Variants in NPHP1 observed in about 807,000 individuals in gnomAD.
NPHP1 encodes nephrocystin 1, also known as nephrocystin-1.
A neutral mutation model predicts 90.4 loss-of-function variants in NPHP1; 70 were observed. That is an observed-to-expected ratio of 0.77 (90% CI 0.64 to 0.95). The LOEUF (loss-of-function observed/expected upper bound fraction) is 0.95, where lower values mean the gene tolerates loss of function less well. Ranked by LOEUF, NPHP1 falls within the 40% of genes least tolerant of loss-of-function variation. The pLI is 0.00. For missense variants in NPHP1, 764 were observed against 795.9 expected (o/e 0.96, Z 0.48); for synonymous variants, 256 against 271.7 (o/e 0.94, Z 0.57).
At chr2:110,187,580 C>A (rs1019361366) in intron 2 of NPHP1, among the ~76,000 whole-genome samples, 2 of 152,134 alleles carry the variant, frequency 1.3e-5, no homozygotes, top group African/African-American at 4.8e-5. Context: ...CAGCTGAATT[C>A]TACCAAAGGT....
intron 11 of NPHP1, among the ~76,000 whole-genome samples, chr2:110,158,431 T>C (rs1488012976): frequency 6.6e-6 from 1 of 152,100 alleles, no homozygotes; most frequent in East Asian, 1.9e-4. Flanking sequence ...CCAACTATAA[T>C]TGTGACTTTG....
chr2:110,180,208 G>C (rs77971562), intron 2 of NPHP1, among the ~76,000 whole-genome samples: 2 of 152,028 alleles, frequency 1.3e-5, no homozygotes, highest in Admixed American at 6.6e-5. Context: ...AGGCAGTTTA[G>C]GATTCCACAG....
chr2:110,150,246 T>C lies in NPHP1; in HGVS notation c.1094A>G (p.Asn365Ser). 4 of 1,613,872 alleles carry C rather than the reference T, an allele frequency of 2.5e-6. No individual in the cohort carries two copies. The highest frequency in any genetic ancestry group is 3.4e-6 in the Non-Finnish European group (4 of 1,179,776). Reference sequence around the variant, plus strand: ...CCATGTGGCTCTGACTGTATGAATGTTGCTCAGAACCTGAAATGAGATTTT... The same window carrying C: ...CCATGTGGCTCTGACTGTATGAATGCTGCTCAGAACCTGAAATGAGATTTT... ...CLFDGNKVLS[N>S]IHTVRATWQP... The change falls in exon 12 of 20, where the codon AAC becomes AGC. Residue 365 changes from asparagine (N) to serine (S), a missense_variant. Transcript: ENST00000445609.
At chr2:110,157,856 T>G (rs1682024521) in intron 11 of NPHP1, among the ~76,000 whole-genome samples, 1 of 152,188 alleles carries the variant, frequency 6.6e-6, no homozygotes, top group Non-Finnish European at 1.5e-5. Flanking sequence ...CATTGACCGT[T>G]ATCAGCTCAA....
intron 2 of NPHP1, among the ~76,000 whole-genome samples, chr2:110,200,859 C>T (rs1287493135): frequency 2.6e-5 from 4 of 152,060 alleles, no homozygotes; most frequent in Non-Finnish European, 5.9e-5. Flanking sequence ...AATTACAATT[C>T]ACTTAAATTA....
In NPHP1 at chr2:110,131,658, G is replaced by T. The variant is rs774898091; in HGVS notation, c.1642+21C>A. Reference sequence around the variant, plus strand: ...AGTATGAAGCATTACTGCACATAAGGAAGTGGCAAAGCCCACTTACCAGTA... The same window carrying T: ...AGTATGAAGCATTACTGCACATAAGTAAGTGGCAAAGCCCACTTACCAGTA... On this transcript the variant is annotated intron_variant, in intron 17 of 19. Transcript: ENST00000445609. 1.1e-5 allele frequency: 15 copies of T among 1,383,336 alleles called. No homozygotes were observed. In the South Asian group the frequency reaches 1.4e-4, roughly 13 times the overall value. 85.7% of individuals were successfully genotyped at this position (1,383,336 alleles called of 1,614,324 possible). A position where few individuals can be genotyped will look rare whatever the true frequency, so the allele number is the denominator to read the frequency against.
chr2:110,204,753 G>A, intron 1 of NPHP1, 147 bp downstream of exon 1: 1 of 769,312 alleles, frequency 1.3e-6, no homozygotes, highest in Admixed American at 2.0e-5. Context: ...GGAATGTTAT[G>A]GGGTAAGGGG....
At chr2:110,141,427 A>G (rs1417318836) in intron 16 of NPHP1, among the ~76,000 whole-genome samples, 1 of 152,064 alleles carries the variant, frequency 6.6e-6, no homozygotes, top group Non-Finnish European at 1.5e-5. Context: ...AGACATTAAG[A>G]CCCTGATAGA....
Position 110,133,947 on chromosome 2 carries a change from A to G in NPHP1, c.1530-2156T>C, listed in dbSNP as rs1679977439. ...AAAGAAGGAAGAGCTCAAGTCAACA[A>G]CCTAACTTTATGCCCTAAGGAACTA... On this transcript the variant is annotated intron_variant, in intron 16 of 19. Transcript: ENST00000445609. Among the ~76,000 whole-genome samples, 3 of 152,062 alleles carry G rather than the reference A, an allele frequency of 2.0e-5. No homozygotes were observed. The South Asian group carries it at 6.2e-4, about 32-fold the overall frequency.
chr2:110,131,803 G>GA lies in NPHP1; in HGVS notation c.1530-13dup, dbSNP rs746937966. The stretch of plus-strand genomic sequence containing the variant: ...TTTCTGGCAGTAGACTATTAAAGAA[G>GA]AAAAAAATGTATTCATTAGACAATC... On this transcript the variant is annotated splice_polypyrimidine_tract_variant and intron_variant, in intron 16 of 19. Transcript: ENST00000445609. 7.5e-6 allele frequency: 11 copies of GA among 1,469,740 alleles called. 1 individual carries two copies. Among genetic ancestry groups the GA allele is most frequent in the South Asian group, 6.9e-5 (6 of 87,344 alleles). 91.0% of individuals were successfully genotyped at this position (1,469,740 alleles called of 1,614,324 possible).
intron 6 of NPHP1, among the ~76,000 whole-genome samples, chr2:110,166,287 C>T (rs1682722777): frequency 6.6e-6 from 1 of 152,222 alleles, no homozygotes; most frequent in Non-Finnish European, 1.5e-5. Context: ...TGCAAAGATG[C>T]ACGCAGGCTT....
chr2:110,193,378 T>G lies in NPHP1; in HGVS notation c.143+8043A>C, dbSNP rs563816244. On this transcript the variant is annotated intron_variant, in intron 2 of 19. Coordinates refer to ENST00000445609, the MANE Select transcript of NPHP1 (RefSeq NM_001128178.3). The stretch of plus-strand genomic sequence containing the variant: ...AATCCTAGTCTCTGATAAAACAGAC[T>G]TTAAACCAACAAAGATCAAAAGAGA... Among the ~76,000 whole-genome samples the G allele has an allele frequency of 9.2e-5, 14 of 151,392 alleles. No homozygotes were observed. The South Asian group carries it at 2.7e-3, about 29-fold the overall frequency.
intron 14 of NPHP1, among the ~76,000 whole-genome samples, chr2:110,145,459 T>A (rs1435243850): frequency 4.6e-5 from 7 of 152,008 alleles, no homozygotes; most frequent in African/African-American, 1.7e-4. Flanking sequence ...CTTGGCTAAT[T>A]TTTTTATTTT....
At chr2:110,125,166 A>T in intron 19 of NPHP1, 1 of 1,520,130 alleles carries the variant, frequency 6.6e-7, no homozygotes. Context: ...ATCCTGGATG[A>T]GAGCAGTCAA....
chr2:110,155,646 A>G (rs1681837033), intron 11 of NPHP1, among the ~76,000 whole-genome samples: 1 of 152,088 alleles, frequency 6.6e-6, no homozygotes, highest in Non-Finnish European at 1.5e-5. Flanking sequence ...GGAGCTTTAA[A>G]ATTTGACTGT....
At chr2:110,151,168 G>GAAAAAAAAAAAAAAAAAAAAAAAAA (rs35894521) in intron 11 of NPHP1, among the ~76,000 whole-genome samples, 1 of 116,478 alleles carries the variant, frequency 8.6e-6, no homozygotes, top group Non-Finnish European at 1.7e-5. Flanking sequence ...TCAGTCTCAA[G>GAAAAAAAAAAAAAAAAAAAAAAAAA]AAAAAAAAAA....
At chr2:110,130,272 AT>A in intron 17 of NPHP1, among the ~76,000 whole-genome samples, 1 of 152,330 alleles carries the variant, frequency 6.6e-6, no homozygotes. Context: ...GTATTCTATA[AT>A]CTGGTGTCCT....
At chr2:110,143,904 C>T (rs1407706849) in intron 15 of NPHP1, 1 of 430,314 alleles carries the variant, frequency 2.3e-6, no homozygotes, top group African/African-American at 2.0e-5. Context: ...CAACTGCATC[C>T]CAGACCCCAA....
rs112428035 is a variant in NPHP1, at chr2:110,125,284, AT to A, written c.1761+352del. 413 of 1,519,994 alleles carry A rather than the reference AT, an allele frequency of 2.7e-4. 2 individuals carry two copies. The highest frequency in any genetic ancestry group is 8.6e-4 in the African/African-American group (62 of 72,490). The allele number at this position is 1,519,994 out of a possible 1,614,324, so 94.2% of individuals were successfully genotyped here. On this transcript the variant is annotated intron_variant, in intron 19 of 19. Coordinates refer to ENST00000445609, the MANE Select transcript of NPHP1 (RefSeq NM_001128178.3). ...TTCAATATATGGTACAGCTCAGGCC[AT>A]TTTTTTTTCCCTTCTCTTGGTGATA...
Sources: gnomAD v4.1 joint callset for allele counts (sites outside exome capture counted in the v4.1 genomes callset) on GRCh38, gnomAD v4.1.1 for gene constraint, MANE v1.5 for transcripts, NCBI Gene and HGNC (gene_info 2026-07-23, HGNC 2026-07-21) for gene names.